ATXN3: variants seen among roughly 807,000 people sequenced by gnomAD.
ATXN3 encodes the protein ataxin-3.
ATXN3 carries 28 observed loss-of-function variants against 58.2 expected under a neutral mutation model. The ratio of observed to expected loss-of-function variants is 0.48; its 90% CI spans 0.36 to 0.66. ATXN3 has a LOEUF of 0.66. Ranked by LOEUF, ATXN3 falls within the 30% of genes least tolerant of loss-of-function variation. The pLI, the probability that ATXN3 is intolerant of heterozygous loss-of-function variation, is 0.00. For missense variants in ATXN3, 321 were observed against 422.1 expected (o/e 0.76, Z 2.10); for synonymous variants, 113 against 138.5 (o/e 0.82, Z 1.29).
At chr14:92,056,400 G>T (rs2057465263), downstream of ATXN3, among the ~76,000 whole-genome samples, 1 of 152,186 alleles carries the variant, frequency 6.6e-6, no homozygotes, top group African/African-American at 2.4e-5. Flanking sequence ...TAAGCAAAAT[G>T]TGCATATATC....
At chr14:92,071,129 A>G (rs1566923446) in intron 9 of ATXN3, 76 bp from the exon 10 acceptor site, 2 of 1,517,396 alleles carry the variant, frequency 1.3e-6, no homozygotes, top group Non-Finnish European at 8.9e-7. Flanking sequence ...AAAACTATTC[A>G]TAAGGAAAAT....
chr14:92,085,218 G>A (rs760542502), intron 6 of ATXN3, among the ~76,000 whole-genome samples: 10 of 148,698 alleles, frequency 6.7e-5, no homozygotes, highest in East Asian at 2.0e-4. Context: ...TGAGAGTCTC[G>A]TTCTGTCACC....
At chr14:92,075,168 T>G (rs1244953129) in intron 9 of ATXN3, among the ~76,000 whole-genome samples, 8 of 145,780 alleles carry the variant, frequency 5.5e-5, no homozygotes, top group African/African-American at 1.3e-4. Flanking sequence ...TTTTTTTTTT[T>G]TTTTTTTTTT....
At position 92,063,754 on chromosome 14, in the gene ATXN3, A is replaced by G. The variant is rs1358080845; in HGVS notation, c.*566T>C. The G allele has an allele frequency of 6.6e-6, 1 of 152,262 alleles. No homozygotes were observed. Among genetic ancestry groups the G allele is most frequent in the Non-Finnish European group, 1.5e-5 (1 of 68,062 alleles). The allele number at this position is 152,262 out of a possible 1,614,324, so 9.4% of individuals were successfully genotyped here. On this transcript the variant is annotated 3_prime_UTR_variant, in exon 11 of 11. Transcript: ENST00000644486. Reference sequence around the variant, plus strand: ...GAAAATAATGAAAACCAGGTAGCAGAAAAGTTGTGATCAGAGAAAACAACA... The same window carrying G: ...GAAAATAATGAAAACCAGGTAGCAGGAAAGTTGTGATCAGAGAAAACAACA...
chr14:92,099,499 T>C (rs777457130), intron 1 of ATXN3, among the ~76,000 whole-genome samples: 9 of 152,224 alleles, frequency 5.9e-5, no homozygotes, highest in Non-Finnish European at 1.2e-4. Flanking sequence ...TATATATTTC[T>C]ACTACCAGAG....
At position 92,103,125 on chromosome 14, in the gene ATXN3, A is replaced by C. The variant is rs967344268; in HGVS notation, c.24+3404T>G. Among the ~76,000 whole-genome samples, 45 of 150,446 alleles carry C rather than the reference A, an allele frequency of 3.0e-4. 3 individuals are homozygous for C. The highest frequency in any genetic ancestry group is 1.2e-4 in the African/African-American group (5 of 40,858). Reference sequence around the variant, plus strand: ...GCAAGAGGATTAAAAAAAAAAAAAAAAACAAAGCAGGCACCAGAACTAAAA... The same window carrying C: ...GCAAGAGGATTAAAAAAAAAAAAAACAACAAAGCAGGCACCAGAACTAAAA... On this transcript the variant is annotated intron_variant, in intron 1 of 10. Coordinates refer to ENST00000644486, the MANE Select transcript of ATXN3 (RefSeq NM_004993.6).
chr14:92,060,227 T>C lies in ATXN3; in HGVS notation c.*4093A>G, dbSNP rs956230605. On this transcript the variant is annotated 3_prime_UTR_variant, in exon 11 of 11. Coordinates refer to ENST00000644486, the MANE Select transcript of ATXN3 (RefSeq NM_004993.6). ...AAAGTTTTTAATAGGAAGTCATATA[T>C]ATATACATATATATATACACACATA... 6.9e-6 allele frequency: 1 copy of C among 144,886 alleles called. No homozygotes were observed. Among genetic ancestry groups the C allele is most frequent in the African/African-American group, 2.6e-5 (1 of 38,784 alleles). 9.0% of individuals were successfully genotyped at this position (144,886 alleles called of 1,614,324 possible). A position where few individuals can be genotyped will look rare whatever the true frequency, so the allele number is the denominator to read the frequency against.
intron 2 of ATXN3, 93 bp downstream of exon 2, chr14:92,096,581 G>A (rs1429113969): frequency 2.2e-5 from 28 of 1,287,854 alleles, no homozygotes; most frequent in Admixed American, 6.5e-5. Context: ...CCGAGATCGC[G>A]CCATTGCACT....
chr14:92,056,668 T>C (rs2057467703), downstream of ATXN3, among the ~76,000 whole-genome samples: 1 of 152,100 alleles, frequency 6.6e-6, no homozygotes, highest in Non-Finnish European at 1.5e-5. Context: ...CAAGAGACTC[T>C]CATAGGCAGG....
chr14:92,096,392 A>G, intron 2 of ATXN3: 1 of 1,132,856 alleles, frequency 8.8e-7, no homozygotes, highest in Non-Finnish European at 1.2e-6. Context: ...TGGGAGGCCA[A>G]GACAGGTGGA....
chr14:92,084,740 C>A (rs1237028479), intron 6 of ATXN3, among the ~76,000 whole-genome samples: 1 of 151,998 alleles, frequency 6.6e-6, no homozygotes, highest in Non-Finnish European at 1.5e-5. Context: ...CCACCACACC[C>A]AGTTAATGTT....
downstream of ATXN3, among the ~76,000 whole-genome samples, chr14:92,057,095 G>A (rs1815545041): frequency 6.6e-6 from 1 of 152,132 alleles, no homozygotes; most frequent in Non-Finnish European, 1.5e-5. Context: ...TCTAAAAAGG[G>A]CAGGCATGAA....
chr14:92,097,059 C>T (rs1052535143), intron 1 of ATXN3: 4 of 434,522 alleles, frequency 9.2e-6, no homozygotes, highest in Non-Finnish European at 1.7e-5. Flanking sequence ...AGGCACCCGC[C>T]ACCACGCCCG....
rs560780607 is a variant in ATXN3 at position 92,097,001 on chromosome 14, G to A, written c.25-163C>T. Reference sequence around the variant, plus strand: ...TGGCTCACTGCAAGCTCCGCCACCCGGGTTCATGCCATTCTCCTGCCTCAG... The same window carrying A: ...TGGCTCACTGCAAGCTCCGCCACCCAGGTTCATGCCATTCTCCTGCCTCAG... On this transcript the variant is annotated intron_variant, in intron 1 of 10. Coordinates refer to ENST00000644486, the MANE Select transcript of ATXN3 (RefSeq NM_004993.6). 1.3e-3 allele frequency: 769 copies of A among 584,336 alleles called. 6 individuals carry two copies. The highest frequency in any genetic ancestry group is 0.013 in the Middle Eastern group (26 of 2,034). The allele number at this position is 584,336 out of a possible 1,614,324, so 36.2% of individuals were successfully genotyped here. A position where few individuals can be genotyped will look rare whatever the true frequency, so the allele number is the denominator to read the frequency against.
chr14:92,060,725 A>G lies in ATXN3; in HGVS notation c.*3595T>C, dbSNP rs1319755607. ...TTTTAAGAATTTAGTAGCTCTTGGC[A>G]CTAGCATGATTTTTTTTTTTTTTTT... On this transcript the variant is annotated 3_prime_UTR_variant, in exon 11 of 11. Transcript: ENST00000644486. 5 of 148,906 alleles carry G rather than the reference A, an allele frequency of 3.4e-5. No homozygotes were observed. The highest frequency in any genetic ancestry group is 1.2e-4 in the African/African-American group (5 of 40,040). The allele number at this position is 148,906 out of a possible 1,614,324, so 9.2% of individuals were successfully genotyped here.
chr14:92,068,782 G>A (rs1328111089), intron 10 of ATXN3, among the ~76,000 whole-genome samples: 1 of 151,948 alleles, frequency 6.6e-6, no homozygotes, highest in African/African-American at 2.4e-5. Flanking sequence ...TTGAGACAGG[G>A]TTTCTCCATG....
chr14:92,047,619 A>G (rs974115794), intron 2 of ATXN3, among the ~76,000 whole-genome samples: 1 of 152,182 alleles, frequency 6.6e-6, no homozygotes, highest in East Asian at 1.9e-4. Flanking sequence ...AAGGGTGGCA[A>G]TGAGATGTGG....
At chr14:92,103,499 G>A (rs571253140) in intron 1 of ATXN3, among the ~76,000 whole-genome samples, 13 of 152,086 alleles carry the variant, frequency 8.5e-5, no homozygotes, top group African/African-American at 2.7e-4. Flanking sequence ...GCAGTGGTGC[G>A]ATCATGGCTC....
intron 8 of ATXN3, among the ~76,000 whole-genome samples, chr14:92,081,466 A>C (rs2061447581): frequency 2.3e-5 from 1 of 43,520 alleles, no homozygotes; most frequent in Non-Finnish European, 4.4e-5. Context: ...ACTCTGACTC[A>C]AAAAAAAAAA....
Sources: gnomAD v4.1 joint callset for allele counts (sites outside exome capture counted in the v4.1 genomes callset) on GRCh38, gnomAD v4.1.1 for gene constraint, MANE v1.5 for transcripts, NCBI Gene and HGNC (gene_info 2026-07-23, HGNC 2026-07-21) for gene names.